The following RGS3 variants were observed in gnomAD, a reference collection of about 807,000 sequenced individuals.
The protein encoded by RGS3 is regulator of G protein signaling 3.
A neutral mutation model predicts 132.6 loss-of-function variants in RGS3; 80 were observed. The observed-to-expected ratio is 0.60, with a 90% confidence interval of 0.50 to 0.73. The LOEUF (loss-of-function observed/expected upper bound fraction) is 0.73, where lower values mean the gene tolerates loss of function less well. Ranked by LOEUF, RGS3 falls within the 30% of genes least tolerant of loss-of-function variation. RGS3 has a pLI of 0.00. For missense variants in RGS3, 1,382 were observed against 1,530.8 expected (o/e 0.90, Z 1.62); for synonymous variants, 598 against 620.6 (o/e 0.96, Z 0.54).
chr9:113,564,719 G>A (rs543717722), intron 19 of RGS3, among the ~76,000 whole-genome samples: 110 of 152,322 alleles, frequency 7.2e-4, no homozygotes, highest in Middle Eastern at 3.4e-3. Context: ...GGGGGAGGAA[G>A]CCCCAGGTTC....
chr9:113,567,085 C>T (rs905986408), intron 19 of RGS3, among the ~76,000 whole-genome samples: 1 of 152,250 alleles, frequency 6.6e-6, no homozygotes, highest in African/African-American at 2.4e-5. Flanking sequence ...GACCACTCCT[C>T]GTGAGAAGTC....
intron 10 of RGS3, among the ~76,000 whole-genome samples, chr9:113,499,444 AC>A (rs1830796122): frequency 6.6e-6 from 1 of 152,148 alleles, no homozygotes; most frequent in Non-Finnish European, 1.5e-5. Context: ...AGGGCTGGCC[AC>A]CTTTTCAGTG....
chr9:113,572,056 G>A (rs537956071), intron 19 of RGS3, among the ~76,000 whole-genome samples: 1 of 152,248 alleles, frequency 6.6e-6, no homozygotes, highest in Admixed American at 6.5e-5. Flanking sequence ...ACAGGGGAGG[G>A]GAAGGTGCTC....
intron 19 of RGS3, among the ~76,000 whole-genome samples, chr9:113,572,530 C>T (rs1834336150): frequency 6.6e-6 from 1 of 152,116 alleles, no homozygotes; most frequent in African/African-American, 2.4e-5. Flanking sequence ...ACTGGATGGG[C>T]ACCCCACCAC....
intron 19 of RGS3, among the ~76,000 whole-genome samples, chr9:113,559,842 T>G (rs555947093): frequency 9.8e-5 from 15 of 152,332 alleles, no homozygotes; most frequent in African/African-American, 3.6e-4. Flanking sequence ...GTTATCACAT[T>G]TAATTTTACC....
intron 19 of RGS3, 28 bp downstream of exon 17, chr9:113,536,946 TG>T: frequency 6.2e-7 from 1 of 1,605,824 alleles, no homozygotes; most frequent in African/African-American, 1.3e-5. Flanking sequence ...GGCTGTGGCC[TG>T]GCTGCCTCGT....
chr9:113,460,662 C>T (rs766221033), intron 1 of RGS3, among the ~76,000 whole-genome samples: 4 of 152,064 alleles, frequency 2.6e-5, no homozygotes, highest in East Asian at 1.9e-4. Context: ...CTAATTCCAT[C>T]GATCTGTCTT....
chr9:113,553,304 A>G (rs1180786980), intron 19 of RGS3, among the ~76,000 whole-genome samples: 2 of 150,088 alleles, frequency 1.3e-5, no homozygotes, highest in Non-Finnish European at 3.0e-5. Flanking sequence ...TTATCCAGGC[A>G]TGGTGGCATG....
rs1487909223 is a variant in RGS3, at chr9:113,579,950, C to T, written c.2038-3500C>T. ...GCCCACCATGTGTTCTGCAACCTCC[C>T]CCTCATCTTTGCCTCCCCTCCTGCC... is the stretch of plus-strand genomic sequence containing the variant. On this transcript the variant is annotated intron_variant, in intron 19 of 24. Transcript: ENST00000350696. This position sits in a 1 kb window ranked among gnomAD's most constrained non-coding sequence, Gnocchi z 4.3. 3.3e-5 allele frequency among the ~76,000 whole-genome samples: 5 copies of T among 152,214 alleles called. No homozygotes were observed. The highest frequency in any genetic ancestry group is 5.9e-5 in the Non-Finnish European group (4 of 68,034).
chr9:113,466,248 T>C (rs887383914), intron 3 of RGS3, among the ~76,000 whole-genome samples: 2 of 152,250 alleles, frequency 1.3e-5, no homozygotes, highest in African/African-American at 2.4e-5. Flanking sequence ...CTCAGTTCAC[T>C]GGCCTTTCCT....
exon 20 of RGS3, chr9:113,584,264 C>T (rs1834999594): frequency 1.2e-6 from 2 of 1,612,414 alleles, no homozygotes; most frequent in Non-Finnish European, 1.7e-6. Context: ...CTGCAGGAGC[C>T]CCGAGGGCCC....
rs763947656 is a variant in RGS3 at position 113,507,386 on chromosome 9, G to A, written c.1185G>A (p.Ser395=). Reference sequence around the variant, plus strand: ...TCCTGCGGCGGGCCTCCTGCAAGTCGACACATGACCTCCAGTCACCCCCCA... The same window carrying A: ...TCCTGCGGCGGGCCTCCTGCAAGTCAACACATGACCTCCAGTCACCCCCCA... The change falls in exon 13 of 25, where the codon TCG becomes TCA. Residue 395 remains serine, a synonymous_variant. Coordinates refer to ENST00000350696, the Ensembl canonical transcript of RGS3. The surrounding 1 kb of genome is among the most constrained non-coding windows in gnomAD (Gnocchi z 5.0). The A allele has an allele frequency of 4.3e-6, 7 of 1,613,628 alleles. No individual in the cohort carries two copies. The highest frequency in any genetic ancestry group is 4.0e-5 in the African/African-American group (3 of 74,922).
At chr9:113,533,754 T>G (rs1271611559) in intron 18 of RGS3, among the ~76,000 whole-genome samples, 1 of 152,210 alleles carries the variant, frequency 6.6e-6, no homozygotes, top group East Asian at 1.9e-4. Context: ...CCACAGTTCC[T>G]GCCTCACCCC....
chr9:113,538,644 C>A (rs1588218990), intron 19 of RGS3, among the ~76,000 whole-genome samples: 2 of 152,178 alleles, frequency 1.3e-5, no homozygotes, highest in African/African-American at 4.8e-5. Flanking sequence ...GCTTGGCTGG[C>A]TGACCCTGGA....
intron 19 of RGS3, among the ~76,000 whole-genome samples, chr9:113,569,270 G>C (rs1227091485): frequency 6.6e-6 from 1 of 152,146 alleles, no homozygotes; most frequent in Non-Finnish European, 1.5e-5. Context: ...CAGAGCTCGG[G>C]GACTCAGGGA....
At chr9:113,479,780 A>C (rs540953455) in intron 4 of RGS3, among the ~76,000 whole-genome samples, 219 of 152,286 alleles carry the variant, frequency 1.4e-3, no homozygotes, top group African/African-American at 4.8e-3. Flanking sequence ...TTGACAGGCT[A>C]CAGCTGCCCC....
intron 16 of RGS3, among the ~76,000 whole-genome samples, chr9:113,519,576 G>GGC (rs1322497796): frequency 6.6e-6 from 1 of 151,424 alleles, no homozygotes; most frequent in Non-Finnish European, 1.5e-5. Flanking sequence ...GCATTGGTTA[G>GGC]GCTTTCAGGA....
intron 18 of RGS3, among the ~76,000 whole-genome samples, chr9:113,536,195 C>T (rs1387034831): frequency 6.6e-6 from 1 of 152,164 alleles, no homozygotes; most frequent in African/African-American, 2.4e-5. Context: ...GCTGAACAGT[C>T]ACAGATTAGA....
chr9:113,549,249 A>G (rs1171749291), intron 19 of RGS3, among the ~76,000 whole-genome samples: 2 of 152,232 alleles, frequency 1.3e-5, no homozygotes, highest in African/African-American at 4.8e-5. Flanking sequence ...CATCTGTAAA[A>G]TGAGACAAGA....
Sources: allele counts gnomAD v4.1 joint callset (sites outside exome capture counted in the v4.1 genomes callset), GRCh38; gene constraint gnomAD v4.1.1; non-coding constraint Gnocchi (gnomAD v3.1); transcripts MANE v1.5; gene names NCBI Gene and HGNC (gene_info 2026-07-23, HGNC 2026-07-21).